Variants in IRAG2 observed in about 807,000 individuals in gnomAD.
IRAG2 encodes inositol 1,4,5-triphosphate receptor associated 2.
A neutral mutation model predicts 69.9 loss-of-function variants in IRAG2; 45 were observed. That is an observed-to-expected ratio of 0.64 (90% CI 0.51 to 0.83). The LOEUF (loss-of-function observed/expected upper bound fraction) is 0.83. Among genes scored for constraint, IRAG2 ranks in the 40% least tolerant of loss-of-function variants. The pLI is 0.00. For missense variants in IRAG2, 520 were observed against 587.0 expected (o/e 0.89, Z 1.18); for synonymous variants, 193 against 202.4 (o/e 0.95, Z 0.40).
At chr12:25,011,500 A>G in exon 3 of IRAG2, 1 of 1,231,706 alleles carries the variant, frequency 8.1e-7, no homozygotes, top group South Asian at 4.1e-5. Flanking sequence ...GTGGACCTGG[A>G]AACTTTCCAG....
chr12:25,062,855 C>T lies in IRAG2; in HGVS notation c.-349C>T, dbSNP rs1008116072. Reference sequence around the variant, plus strand: ...ATGAGGAATTTCCTCACTATGATTCCCTGTCCTGCGCAGATGCAATTCAAC... The same window carrying T: ...ATGAGGAATTTCCTCACTATGATTCTCTGTCCTGCGCAGATGCAATTCAAC... On this transcript the variant is annotated 5_prime_UTR_variant, in exon 3 of 22. Transcript: ENST00000556887. The T allele has an allele frequency of 1.8e-5, 7 of 398,790 alleles. No individual in the cohort carries two copies. The highest frequency in any genetic ancestry group is 2.7e-5 in the Non-Finnish European group (6 of 226,016). 24.7% of individuals were successfully genotyped at this position (398,790 alleles called of 1,614,324 possible).
chr12:25,101,906 T>A (rs1244628861), intron 16 of IRAG2: 1 of 605,068 alleles, frequency 1.7e-6, no homozygotes, highest in South Asian at 1.5e-5. Context: ...TTGATACTCT[T>A]CTGAACTGTA....
At chr12:25,015,110 A>ATG in intron 3 of IRAG2, 1 of 435,798 alleles carries the variant, frequency 2.3e-6, no homozygotes, top group Non-Finnish European at 3.1e-6. Flanking sequence ...AAAAAAAAAA[A>ATG]AAGACAAAAC....
chr12:25,020,049 T>C (rs1331333461), intron 6 of IRAG2, among the ~76,000 whole-genome samples: 1 of 152,226 alleles, frequency 6.6e-6, no homozygotes, highest in Non-Finnish European at 1.5e-5. Flanking sequence ...GCACAGTGCC[T>C]GGGACAGGTT....
intron 16 of IRAG2, among the ~76,000 whole-genome samples, chr12:25,046,747 A>G (rs1944797985): frequency 6.6e-6 from 1 of 152,194 alleles, no homozygotes; most frequent in Non-Finnish European, 1.5e-5. Flanking sequence ...AAATGTCCAT[A>G]CTACCCAAAG....
intron 14 of IRAG2, among the ~76,000 whole-genome samples, 198 bp from the exon 15 acceptor site, chr12:25,096,712 C>A (rs1423777870): frequency 6.6e-6 from 1 of 152,100 alleles, no homozygotes; most frequent in African/African-American, 2.4e-5. Flanking sequence ...TTTGTGATCA[C>A]CTGCGTATAT....
chr12:25,089,477 A>C (rs1947878813), intron 11 of IRAG2, 137 bp from the exon 12 acceptor site: 1 of 580,846 alleles, frequency 1.7e-6, no homozygotes, highest in Non-Finnish European at 3.0e-6. Flanking sequence ...ATTTAAGTGC[A>C]TACATTATTA....
chr12:25,024,048 G>C (rs1944604012), intron 8 of IRAG2: 1 of 441,780 alleles, frequency 2.3e-6, no homozygotes. Flanking sequence ...AGGTTGACTT[G>C]TCAAATTACA....
chr12:25,073,712 A>G (rs1946477853), intron 6 of IRAG2, among the ~76,000 whole-genome samples: 1 of 152,246 alleles, frequency 6.6e-6, no homozygotes, highest in Admixed American at 6.5e-5. Context: ...TTATTCACCC[A>G]ATAAATTAGT....
Position 25,012,143 on chromosome 12 carries a change from C to CTTTTTTTTTTTTTTTTT in IRAG2, c.896+592_896+593insTTTTTTTTTTTTTTTTT, listed in dbSNP as rs1944480147. Among the ~76,000 whole-genome samples the CTTTTTTTTTTTTTTTTT allele has an allele frequency of 2.5e-4, 6 of 24,102 alleles. 3 individuals carry two copies. The highest frequency in any genetic ancestry group is 1.5e-4 in the African/African-American group (2 of 13,176). The allele number at this position is 24,102 out of a possible 152,430, so 15.8% of individuals were successfully genotyped here. ...GTCTTCTTCCACAGAAAGCGAATTC[C>CTTTTTTTTTTTTTTTTT]CTTTTTTTTTTTTTTTTTTTTTTTT... On this transcript the variant is annotated intron_variant, in intron 3 of 38. Coordinates refer to the IRAG2 transcript ENST00000636465.
At chr12:25,040,722 G>A (rs1944741315) in intron 16 of IRAG2, among the ~76,000 whole-genome samples, 1 of 152,148 alleles carries the variant, frequency 6.6e-6, no homozygotes, top group African/African-American at 2.4e-5. Context: ...GTGGGCCAAA[G>A]AGAGGCATGG....
intron 1 of IRAG2, among the ~76,000 whole-genome samples, chr12:25,061,136 A>G (rs1443441361): frequency 6.6e-6 from 1 of 152,210 alleles, no homozygotes; most frequent in Non-Finnish European, 1.5e-5. Flanking sequence ...TGCCATTCTC[A>G]GAAATCATTA....
chr12:25,022,362 C>T (rs991241380), intron 7 of IRAG2, among the ~76,000 whole-genome samples: 3 of 152,010 alleles, frequency 2.0e-5, no homozygotes, highest in Non-Finnish European at 2.9e-5. Context: ...GGCGTGGTGA[C>T]ACACACTTGT....
chr12:25,056,739 G>A (rs934384454), intron 1 of IRAG2, among the ~76,000 whole-genome samples: 3 of 152,158 alleles, frequency 2.0e-5, no homozygotes, highest in African/African-American at 4.8e-5. Flanking sequence ...TTTCATTCAC[G>A]ATTTTCTTGG....
At chr12:25,026,959 T>G (rs1308171409) in intron 9 of IRAG2, 1 of 565,192 alleles carries the variant, frequency 1.8e-6, no homozygotes, top group Admixed American at 4.4e-5. Flanking sequence ...CAAACTAAAC[T>G]TTGGTTATAA....
rs371421436 is a variant in IRAG2 at position 25,059,577 on chromosome 12, C to T, written c.-446-2015C>T. 7.1e-4 allele frequency among the ~76,000 whole-genome samples: 108 copies of T among 152,294 alleles called. 2 individuals carry two copies. In the South Asian group the frequency reaches 0.022, roughly 31 times the overall value. On this transcript the variant is annotated intron_variant, in intron 1 of 21. Coordinates refer to ENST00000556887, the MANE Select transcript of IRAG2 (RefSeq NM_001366544.2). ...CCATGTTGTTCAGGCTGGTCTCGAA[C>T]TCCCGACCTCAGGTGACCCATCTGC...
At chr12:25,090,727 TAGG>T (rs1446281700) in intron 14 of IRAG2, 2 of 383,088 alleles carry the variant, frequency 5.2e-6, no homozygotes, top group South Asian at 2.0e-5. Context: ...GTTTCACTAA[TAGG>T]AGAGTATCAG....
At chr12:25,030,413 G>A in intron 10 of IRAG2, 1 of 1,026,926 alleles carries the variant, frequency 9.7e-7, no homozygotes, top group Non-Finnish European at 1.2e-6. Context: ...TTTTGACGGA[G>A]TCTTGCTCTG....
chr12:25,043,454 A>G (rs1201871517), intron 16 of IRAG2, among the ~76,000 whole-genome samples: 1 of 152,200 alleles, frequency 6.6e-6, no homozygotes, highest in Non-Finnish European at 1.5e-5. Context: ...TTGAACTAGC[A>G]TGCATGCGCT....
Sources: allele counts gnomAD v4.1 joint callset (sites outside exome capture counted in the v4.1 genomes callset), GRCh38; gene constraint gnomAD v4.1.1; transcripts MANE v1.5; gene names NCBI Gene and HGNC (gene_info 2026-07-23, HGNC 2026-07-21).